The following GPC6 variants were observed in gnomAD, a reference collection of about 807,000 sequenced individuals.
GPC6 encodes the protein glypican 6, also known as glypican-6.
GPC6 carries 14 observed loss-of-function variants against 55.2 expected under a neutral mutation model. The ratio of observed to expected loss-of-function variants is 0.25; its 90% CI spans 0.17 to 0.40. GPC6 has a LOEUF of 0.40. Ranked by LOEUF, GPC6 falls within the 10% of genes least tolerant of loss-of-function variation. GPC6 has a pLI of 1.00. For missense variants in GPC6, 641 were observed against 708.5 expected, an observed-to-expected ratio of 0.90 and a Z score of 1.08; for synonymous variants, 278 against 259.6, an observed-to-expected ratio of 1.07 and a Z score of -0.68.
At chr13:93,311,282 A>G (rs1365205203) in intron 1 of GPC6, among the ~76,000 whole-genome samples, 3 of 152,190 alleles carry the variant, frequency 2.0e-5, no homozygotes, top group African/African-American at 7.2e-5. Context: ...CATTCATTTT[A>G]CATTTCCCTG....
intron 1 of GPC6, among the ~76,000 whole-genome samples, chr13:93,537,975 CA>C (rs1882125706): frequency 1.3e-5 from 2 of 151,976 alleles, no homozygotes; most frequent in South Asian, 4.1e-4. Context: ...AAAAAATTTT[CA>C]AAAATGAACA....
At chr13:94,348,147 C>T (rs1378410803) in intron 6 of GPC6, among the ~76,000 whole-genome samples, 1 of 152,178 alleles carries the variant, frequency 6.6e-6, no homozygotes, top group Non-Finnish European at 1.5e-5. Flanking sequence ...CTATAAGGGC[C>T]TTAGGATTCT....
chr13:94,301,817 T>A (rs910622699), intron 5 of GPC6, among the ~76,000 whole-genome samples: 1 of 152,206 alleles, frequency 6.6e-6, no homozygotes, highest in Non-Finnish European at 1.5e-5. Context: ...AATCTCCATC[T>A]CCAGCCATAA....
At chr13:93,635,143 T>A (rs1198868446) in intron 2 of GPC6, among the ~76,000 whole-genome samples, 1 of 151,972 alleles carries the variant, frequency 6.6e-6, no homozygotes, top group Non-Finnish European at 1.5e-5. Flanking sequence ...AATACAGCTT[T>A]TTTTTTTTTA....
At chr13:94,221,391 A>G (rs755818436) in intron 4 of GPC6, among the ~76,000 whole-genome samples, 4 of 152,124 alleles carry the variant, frequency 2.6e-5, no homozygotes, top group Non-Finnish European at 4.4e-5. Flanking sequence ...AAAATTATCA[A>G]AATTTACCTT....
chr13:94,396,975 C>T (rs572329847), intron 7 of GPC6, among the ~76,000 whole-genome samples: 1 of 152,194 alleles, frequency 6.6e-6, no homozygotes, highest in South Asian at 2.1e-4. Context: ...ATAAAATACT[C>T]CCCATCTCCT....
At chr13:93,596,149 G>A (rs1280091137) in intron 2 of GPC6, among the ~76,000 whole-genome samples, 1 of 151,134 alleles carries the variant, frequency 6.6e-6, no homozygotes, top group Admixed American at 6.6e-5. Context: ...AGCAGACCAG[G>A]GCTAGGAGAT....
chr13:94,035,696 G>A (rs1283205202), intron 4 of GPC6, among the ~76,000 whole-genome samples: 1 of 151,980 alleles, frequency 6.6e-6, no homozygotes, highest in African/African-American at 2.4e-5. Context: ...ACACATCTTT[G>A]TGCAATGTGG....
chr13:93,631,101 A>G (rs2139571473), intron 2 of GPC6, among the ~76,000 whole-genome samples: 1 of 152,300 alleles, frequency 6.6e-6, no homozygotes, highest in South Asian at 2.1e-4. Flanking sequence ...GCACATGGTC[A>G]TGAAAAATTA....
intron 1 of GPC6, among the ~76,000 whole-genome samples, chr13:93,325,649 T>C (rs916147175): frequency 2.6e-5 from 4 of 152,266 alleles, no homozygotes; most frequent in African/African-American, 9.6e-5. Context: ...ATGAGTACAC[T>C]GCAAGTCCAG....
chr13:94,387,408 G>A lies in GPC6; in HGVS notation c.1289+4858G>A, dbSNP rs538332417. On this transcript the variant is annotated intron_variant, in intron 7 of 8. Coordinates refer to ENST00000377047, the MANE Select transcript of GPC6 (RefSeq NM_005708.5). ...AGAATGGGTTAAACAAAGTGGTTAA[G>A]GGAATGTCTTCCCTGCTTCCTCTTT... Among the ~76,000 whole-genome samples the A allele has an allele frequency of 6.6e-5, 10 of 152,334 alleles. No individual in the cohort carries two copies. In the South Asian group the frequency reaches 2.1e-3, roughly 32 times the overall value.
At chr13:93,972,546 C>T (rs1362975946) in intron 3 of GPC6, among the ~76,000 whole-genome samples, 1 of 152,140 alleles carries the variant, frequency 6.6e-6, no homozygotes, top group Non-Finnish European at 1.5e-5. Flanking sequence ...CTGTTGGAAT[C>T]TGCAAGTCTT....
chr13:93,659,514 T>G (rs576490643), intron 2 of GPC6, among the ~76,000 whole-genome samples: 18 of 152,108 alleles, frequency 1.2e-4, no homozygotes, highest in African/African-American at 4.3e-4. Context: ...ACTGAATCAT[T>G]TGGTAATCAA....
intron 4 of GPC6, among the ~76,000 whole-genome samples, chr13:94,157,782 G>A (rs1370265190): frequency 6.6e-6 from 1 of 152,176 alleles, no homozygotes; most frequent in African/African-American, 2.4e-5. Context: ...CAGGAAGACA[G>A]TAGGCAGTAG....
intron 1 of GPC6, among the ~76,000 whole-genome samples, chr13:93,426,164 CAG>C (rs1232191397): frequency 6.6e-6 from 1 of 152,124 alleles, no homozygotes; most frequent in Non-Finnish European, 1.5e-5. Context: ...ATTATTGTAA[CAG>C]AAACTGTTTA....
chr13:93,794,062 A>G (rs1280248250), intron 2 of GPC6, among the ~76,000 whole-genome samples: 1 of 152,224 alleles, frequency 6.6e-6, no homozygotes, highest in Admixed American at 6.5e-5. Flanking sequence ...TTGAAAAGTC[A>G]GGAGGCAAGA....
intron 4 of GPC6, among the ~76,000 whole-genome samples, chr13:94,106,757 G>T (rs1886069357): frequency 6.6e-6 from 1 of 152,122 alleles, no homozygotes; most frequent in African/African-American, 2.4e-5. Flanking sequence ...CTTTCTCAGT[G>T]AAGTAGTAAA....
At chr13:94,225,779 T>C (rs1395593349) in intron 4 of GPC6, among the ~76,000 whole-genome samples, 2 of 152,048 alleles carry the variant, frequency 1.3e-5, no homozygotes, top group Non-Finnish European at 2.9e-5. Context: ...TGCAGGAGCC[T>C]AAATCTGTAT....
At chr13:93,287,531 A>C (rs111439727) in intron 1 of GPC6, among the ~76,000 whole-genome samples, 136 of 152,368 alleles carry the variant, frequency 8.9e-4, no homozygotes, top group African/African-American at 3.1e-3. Flanking sequence ...CCTTTGTTTC[A>C]TCTTGAAGAA....
Sources: allele counts gnomAD v4.1 joint callset (sites outside exome capture counted in the v4.1 genomes callset), GRCh38; gene constraint gnomAD v4.1.1; transcripts MANE v1.5; gene names NCBI Gene and HGNC (gene_info 2026-07-23, HGNC 2026-07-21).